The following DCBLD1 variants were observed in gnomAD, a reference collection of about 807,000 sequenced individuals.
DCBLD1 encodes discoidin, CUB and LCCL domain containing 1.
DCBLD1 carries 57 observed loss-of-function variants against 71.5 expected under a neutral mutation model. The ratio of observed to expected loss-of-function variants is 0.80; its 90% CI spans 0.64 to 0.99. The LOEUF is 0.99. Among genes scored for constraint, DCBLD1 ranks in the 50% least tolerant of loss-of-function variants. DCBLD1 has a pLI of 0.00. For synonymous variants in DCBLD1, 380 were observed against 363.8 expected (o/e 1.04, Z -0.51); for missense variants, 891 against 923.5 (o/e 0.96, Z 0.46).
intron 1 of DCBLD1, 108 bp from the exon 2 acceptor site, chr6:117,503,659 C>A: frequency 8.1e-7 from 1 of 1,240,454 alleles, no homozygotes; most frequent in Non-Finnish European, 1.1e-6. Context: ...TTTCCTTCTG[C>A]CCAAAAACAA....
chr6:117,521,790 A>G (rs551583984), intron 4 of DCBLD1, among the ~76,000 whole-genome samples: 1 of 152,358 alleles, frequency 6.6e-6, no homozygotes, highest in South Asian at 2.1e-4. Flanking sequence ...TTTCCAGGCC[A>G]TACAATCTCT....
chr6:117,542,663 C>T (rs765143485), intron 11 of DCBLD1, among the ~76,000 whole-genome samples: 2 of 152,126 alleles, frequency 1.3e-5, no homozygotes, highest in African/African-American at 2.4e-5. Context: ...ACGAGGATCC[C>T]AGTTTTCCAG....
At chr6:117,516,715 C>T (rs573457566) in intron 2 of DCBLD1, among the ~76,000 whole-genome samples, 13 of 152,310 alleles carry the variant, frequency 8.5e-5, no homozygotes, top group African/African-American at 2.6e-4. Flanking sequence ...TACAGTTCCA[C>T]GTAGCTGGGG....
Position 117,549,373 on chromosome 6 carries a change from C to G in DCBLD1, c.*934C>G, listed in dbSNP as rs1779383369. On this transcript the variant is annotated 3_prime_UTR_variant, in exon 15 of 15. Transcript: ENST00000338728. ...TGATTCTGACCAAGTCTAAATCGAG[C>G]TTTTCTACTGACATGAAACTGTTGG... The G allele has an allele frequency of 1.0e-6, 1 of 985,390 alleles. No individual in the cohort carries two copies. Among genetic ancestry groups the G allele is most frequent in the Non-Finnish European group, 1.2e-6 (1 of 829,928 alleles). The allele number at this position is 985,390 out of a possible 1,614,324, so 61.0% of individuals were successfully genotyped here.
chr6:117,503,639 G>GT (rs1777736311), intron 1 of DCBLD1, 128 bp from the exon 2 acceptor site: 7 of 909,178 alleles, frequency 7.7e-6, no homozygotes, highest in Non-Finnish European at 1.2e-5. Flanking sequence ...TTCTTTTTTT[G>GT]TTTTTTGGTT....
intron 2 of DCBLD1, among the ~76,000 whole-genome samples, chr6:117,508,663 C>A (rs1777916238): frequency 6.6e-6 from 1 of 152,114 alleles, no homozygotes; most frequent in African/African-American, 2.4e-5. Flanking sequence ...TTTTTGCCCC[C>A]ACTGCCTGTA....
chr6:117,560,527 T>C (rs1359629719), intron 14 of DCBLD1: 3 of 194,562 alleles, frequency 1.5e-5, no homozygotes, highest in African/African-American at 7.0e-5. Context: ...TTTCTAAACA[T>C]GAAAACAGCA....
rs749035294 is a variant in DCBLD1, at chr6:117,519,939, G to A, written c.449G>A (p.Ser150Asn). The stretch of plus-strand genomic sequence containing the variant: ...GGTTTTTTGCTGACCTATGCGAGCA[G>A]CGACCATCCAGGTATAACGGAAGAA... Reference protein sequence around the residue: ...GRGFLLTYASSDHPDLITCLE... With the variant: ...GRGFLLTYASNDHPDLITCLE... The change falls in exon 3 of 15, where the codon AGC becomes AAC. Residue 150 changes from serine to asparagine, a missense_variant. Physicochemically the swap from Ser to Asn is conservative, Grantham distance 46 (BLOSUM62 1). Coordinates refer to ENST00000338728, the MANE Select transcript of DCBLD1 (RefSeq NM_001366458.2). 2 of 1,613,964 alleles carry A rather than the reference G, an allele frequency of 1.2e-6. No individual in the cohort carries two copies. The highest frequency in any genetic ancestry group is 2.2e-5 in the South Asian group (2 of 91,060).
At chr6:117,519,718 T>G (rs1778320844) in intron 2 of DCBLD1, 98 bp from the exon 3 acceptor site, 1 of 1,440,394 alleles carries the variant, frequency 6.9e-7, no homozygotes, top group Non-Finnish European at 9.5e-7. Context: ...ATATGTATTG[T>G]CTAGTAAATT....
At chr6:117,502,577 A>T (rs1777700394) in intron 1 of DCBLD1, among the ~76,000 whole-genome samples, 1 of 152,182 alleles carries the variant, frequency 6.6e-6, no homozygotes, top group South Asian at 2.1e-4. Context: ...AGAGGCTGGG[A>T]GGGAAGAGGG....
At chr6:117,563,305 A>G (rs1293474669) in intron 14 of DCBLD1, 2 of 1,612,632 alleles carry the variant, frequency 1.2e-6, no homozygotes, top group Non-Finnish European at 1.7e-6. Flanking sequence ...ATTTTGAAGC[A>G]CCGTCATCTA....
rs1779323643 is a variant in DCBLD1 at position 117,547,898 on chromosome 6, T to C, written c.1616-9T>C. On this transcript the variant is annotated splice_polypyrimidine_tract_variant and intron_variant, in intron 14 of 14. Transcript: ENST00000338728. Reference sequence around the variant, plus strand: ...TGCCCGCTAGCTGCCATCTGTCTTGTGGTTTCAGATTACCAGCAGCCCCTC... The same window carrying C: ...TGCCCGCTAGCTGCCATCTGTCTTGCGGTTTCAGATTACCAGCAGCCCCTC... 2 of 1,550,330 alleles carry C rather than the reference T, an allele frequency of 1.3e-6. No homozygotes were observed. The highest frequency in any genetic ancestry group is 1.7e-6 in the Non-Finnish European group (2 of 1,146,920).
At chr6:117,563,861 A>G (rs1779639801) in intron 14 of DCBLD1, among the ~76,000 whole-genome samples, 2 of 152,188 alleles carry the variant, frequency 1.3e-5, no homozygotes, top group African/African-American at 4.8e-5. Flanking sequence ...AATTCCTAAC[A>G]GGGGAATTCT....
At chr6:117,520,085 A>G (rs983628767) in intron 3 of DCBLD1, 135 bp downstream of exon 3, 13 of 1,381,370 alleles carry the variant, frequency 9.4e-6, no homozygotes, top group Admixed American at 6.1e-5. Context: ...GGAACATGGT[A>G]TCTTTGTAAA....
At chr6:117,563,119 G>C in intron 14 of DCBLD1, 1 of 729,656 alleles carries the variant, frequency 1.4e-6, no homozygotes. Flanking sequence ...TTGTTCACAT[G>C]AAGCCCTGAG....
chr6:117,565,232 T>C (rs1016774680), intron 14 of DCBLD1, among the ~76,000 whole-genome samples: 2 of 152,196 alleles, frequency 1.3e-5, no homozygotes, highest in Non-Finnish European at 2.9e-5. Flanking sequence ...TTCAATGGCT[T>C]TGTAGATGAT....
chr6:117,535,844 CT>C (rs1778865476), intron 6 of DCBLD1, among the ~76,000 whole-genome samples: 1 of 152,196 alleles, frequency 6.6e-6, no homozygotes, highest in African/African-American at 2.4e-5. Context: ...TAGCGCCTTT[CT>C]TTAAGTGTCA....
Position 117,538,808 on chromosome 6 carries a change from G to A in DCBLD1, c.949G>A (p.Asp317Asn), listed in dbSNP as rs143761981. 20 of 1,613,720 alleles carry A rather than the reference G, an allele frequency of 1.2e-5. No individual in the cohort carries two copies. The highest frequency in any genetic ancestry group is 3.3e-5 in the Admixed American group (2 of 59,974). ...CAAACCACGAGAGTGGCTGGAGATCGATTTGGGGGAGAAAAAGAAAATAAC... is the reference window on the plus strand; with the variant it reads ...CAAACCACGAGAGTGGCTGGAGATCAATTTGGGGGAGAAAAAGAAAATAAC... ...NHKPREWLEI[D>N]LGEKKKITGI... The change falls in exon 8 of 15, where the codon GAT becomes AAT. Residue 317 changes from aspartate (D) to asparagine (N), a missense_variant. Physicochemically the swap from Asp to Asn is conservative, Grantham distance 23. Coordinates refer to ENST00000338728, the MANE Select transcript of DCBLD1 (RefSeq NM_001366458.2).
rs750305020 is a variant in DCBLD1, at chr6:117,525,402, A to C, written c.553A>C (p.Ile185Leu). 3 of 1,517,442 alleles carry C rather than the reference A, an allele frequency of 2.0e-6. No homozygotes were observed. The highest frequency in any genetic ancestry group is 2.6e-6 in the Non-Finnish European group (3 of 1,132,618). 94.0% of individuals were successfully genotyped at this position (1,517,442 alleles called of 1,614,324 possible). Residue 185 changes from isoleucine to leucine, a missense_variant, in exon 5 of 15, where the codon ATT (isoleucine) becomes CTT (leucine). Coordinates refer to ENST00000338728, the MANE Select transcript of DCBLD1 (RefSeq NM_001366458.2). ...PAGCRDVAGD[I>L]SGNMVDGYRD... The stretch of plus-strand genomic sequence containing the variant: ...TGGTTGTAGAGACGTAGCAGGAGAC[A>C]TTTCTGGGAATATGGTAGATGGATA...
Sources: allele counts gnomAD v4.1 joint callset (sites outside exome capture counted in the v4.1 genomes callset), GRCh38; gene constraint gnomAD v4.1.1; transcripts MANE v1.5; gene names NCBI Gene and HGNC (gene_info 2026-07-23, HGNC 2026-07-21).